The following TRPM3 variants were observed in gnomAD, a reference collection of about 807,000 sequenced individuals.
The protein encoded by TRPM3 is transient receptor potential cation channel subfamily M member 3, also known as long transient receptor potential channel 3.
Under a neutral mutation model 181.2 loss-of-function variants are expected in TRPM3, and 77 were observed. The ratio of observed to expected loss-of-function variants is 0.42; its 90% CI spans 0.35 to 0.51. TRPM3 has a LOEUF of 0.51. TRPM3 is among the 20% of genes least tolerant of loss of function. TRPM3 has a pLI of 0.01. For synonymous variants in TRPM3, 745 were observed against 796.4 expected (o/e 0.94, Z 1.09); for missense variants, 1,759 against 2,196.7 (o/e 0.80, Z 3.98).
chr9:71,008,966 A>T (rs1029248467), intron 1 of TRPM3, among the ~76,000 whole-genome samples: 3 of 152,226 alleles, frequency 2.0e-5, no homozygotes, highest in South Asian at 4.1e-4. Context: ...AGAATTAATT[A>T]AAAAATGATT....
At chr9:71,420,276 A>G (rs985402422) in intron 1 of TRPM3, among the ~76,000 whole-genome samples, 1 of 151,954 alleles carries the variant, frequency 6.6e-6, no homozygotes, top group South Asian at 2.1e-4. Flanking sequence ...TGGGGATGCT[A>G]CATGGATTTT....
At position 71,279,034 on chromosome 9, in the gene TRPM3, T is replaced by TAAAAAAA. The variant is rs200421016; in HGVS notation, c.183+167618_183+167619insTTTTTTT. Reference sequence around the variant, plus strand: ...CCTCACCAAACTTATCCTGCTTAGGTTAAAAAAAATAAAAATAAAAATAAA... The same window carrying TAAAAAAA: ...CCTCACCAAACTTATCCTGCTTAGGTAAAAAAATAAAAAAAATAAAAATAAAAATAAA... On this transcript the variant is annotated intron_variant, in intron 1 of 24. Transcript: ENST00000357533. Among the ~76,000 whole-genome samples, 20 of 47,486 alleles carry TAAAAAAA rather than the reference T, an allele frequency of 4.2e-4. 1 individual carries two copies. Among genetic ancestry groups the TAAAAAAA allele is most frequent in the Non-Finnish European group, 7.6e-4 (17 of 22,472 alleles). The allele number at this position is 47,486 out of a possible 152,430, so 31.2% of individuals were successfully genotyped here. A position where few individuals can be genotyped will look rare whatever the true frequency, so the allele number is the denominator to read the frequency against.
chr9:70,752,876 G>T (rs1387922500), intron 8 of TRPM3, among the ~76,000 whole-genome samples: 2 of 152,118 alleles, frequency 1.3e-5, no homozygotes, highest in African/African-American at 4.8e-5. Flanking sequence ...TTGGCAGGCC[G>T]AGGTGGGCAG....
chr9:71,130,670 C>A (rs907446277), intron 1 of TRPM3, among the ~76,000 whole-genome samples: 2 of 152,144 alleles, frequency 1.3e-5, no homozygotes, highest in African/African-American at 4.8e-5. Context: ...TGCTTTTATT[C>A]AGCATCCAGC....
intron 1 of TRPM3, among the ~76,000 whole-genome samples, chr9:70,959,715 C>T (rs546575571): frequency 3.9e-5 from 6 of 152,284 alleles, no homozygotes; most frequent in Admixed American, 3.9e-4. Flanking sequence ...CAAACCACCA[C>T]AAAAATAACT....
chr9:71,430,562 C>T lies in TRPM3; in HGVS notation c.183+16091G>A, dbSNP rs147980747. On this transcript the variant is annotated intron_variant, in intron 1 of 24. Coordinates refer to the TRPM3 transcript ENST00000357533. ...GGTACAGTGGCTCACACCTGTAATC[C>T]CAGCACTTTGGGAGGCTGAGGCGGG... 2.0e-5 allele frequency among the ~76,000 whole-genome samples: 3 copies of T among 152,132 alleles called. No homozygotes were observed. The East Asian group carries it at 5.8e-4, about 29-fold the overall frequency.
chr9:70,785,588 C>T (rs2083432044), intron 6 of TRPM3, among the ~76,000 whole-genome samples: 1 of 152,174 alleles, frequency 6.6e-6, no homozygotes, highest in South Asian at 2.1e-4. Flanking sequence ...TCTGAGTTCT[C>T]CCTTTTACTT....
rs542961580 is a variant in TRPM3 at position 71,069,923 on chromosome 9, A to T, written c.177+51255T>A. Among the ~76,000 whole-genome samples the T allele has an allele frequency of 1.4e-4, 20 of 144,872 alleles. 1 individual carries two copies. The East Asian group carries it at 3.8e-3, about 27-fold the overall frequency. ...GTGCCCAGCGAAAATTAATTTTTTT[A>T]AAAAAGGTACTTTAGTGACTTCCCT... On this transcript the variant is annotated intron_variant, in intron 1 of 25. Coordinates refer to ENST00000677713, the MANE Select transcript of TRPM3 (RefSeq NM_001366145.2).
intron 9 of TRPM3, among the ~76,000 whole-genome samples, chr9:70,651,127 A>G (rs2059551119): frequency 6.6e-6 from 1 of 152,192 alleles, no homozygotes. Context: ...TTCGGGTTAT[A>G]TAGTTCTGTA....
intron 1 of TRPM3, among the ~76,000 whole-genome samples, chr9:70,873,421 GTCTGGC>G (rs2095822542): frequency 6.6e-6 from 1 of 151,956 alleles, no homozygotes; most frequent in South Asian, 2.1e-4. Flanking sequence ...AGCATCTAAA[GTCTGGC>G]TCTGGCTCTG....
At chr9:70,568,625 C>T (rs932008094) in intron 22 of TRPM3, among the ~76,000 whole-genome samples, 3 of 152,296 alleles carry the variant, frequency 2.0e-5, no homozygotes, top group East Asian at 1.9e-4. Context: ...GGCCATTTTA[C>T]AGATGAGTAA....
At chr9:71,275,126 T>C (rs370752441) in intron 1 of TRPM3, among the ~76,000 whole-genome samples, 74 of 152,330 alleles carry the variant, frequency 4.9e-4, no homozygotes, top group African/African-American at 1.6e-3. Flanking sequence ...TTATTTACTA[T>C]GATATAATTG....
rs1398031517 is a variant in TRPM3, at chr9:71,351,870, G to GTTT, written c.183+94780_183+94782dup. ...ATGGGAAGTTTTTGTTTGTTTGTTTGTTTTTGTTTTTTTTTTTTTTTTTGA... is the reference window on the plus strand; with the variant it reads ...ATGGGAAGTTTTTGTTTGTTTGTTTGTTTTTTTTGTTTTTTTTTTTTTTTTTGA... On this transcript the variant is annotated intron_variant, in intron 1 of 24. Transcript: ENST00000357533. Among the ~76,000 whole-genome samples the GTTT allele has an allele frequency of 1.6e-3, 151 of 95,632 alleles. 16 individuals carry two copies. The highest frequency in any genetic ancestry group is 2.2e-3 in the Non-Finnish European group (101 of 46,738). The allele number at this position is 95,632 out of a possible 152,430, so 62.7% of individuals were successfully genotyped here. A position where few individuals can be genotyped will look rare whatever the true frequency, so the allele number is the denominator to read the frequency against.
chr9:71,192,056 C>T (rs11142719), intron 1 of TRPM3, among the ~76,000 whole-genome samples: 1 of 151,764 alleles, frequency 6.6e-6, no homozygotes, highest in Non-Finnish European at 1.5e-5. Flanking sequence ...ATACAGTAAC[C>T]TTTACGTCTG....
chr9:71,351,872 TTTTG>T lies in TRPM3; in HGVS notation c.183+94777_183+94780del, dbSNP rs772641040. ...GGGAAGTTTTTGTTTGTTTGTTTGT[TTTTG>T]TTTTTTTTTTTTTTTTTGAGACTGA... On this transcript the variant is annotated intron_variant, in intron 1 of 24. Transcript: ENST00000357533. Among the ~76,000 whole-genome samples, 67 of 91,118 alleles carry T rather than the reference TTTTG, an allele frequency of 7.4e-4. 1 individual carries two copies. Among genetic ancestry groups the T allele is most frequent in the Admixed American group, 1.8e-3 (17 of 9,344 alleles). The allele number at this position is 91,118 out of a possible 152,430, so 59.8% of individuals were successfully genotyped here.
chr9:70,993,422 C>G (rs1474989148), intron 1 of TRPM3, among the ~76,000 whole-genome samples: 5 of 151,830 alleles, frequency 3.3e-5, no homozygotes, highest in Non-Finnish European at 5.9e-5. Flanking sequence ...GGGGTAGCAA[C>G]AAAAAGAGGA....
At chr9:70,617,171 G>A (rs549748149) in intron 17 of TRPM3, among the ~76,000 whole-genome samples, 4 of 152,290 alleles carry the variant, frequency 2.6e-5, no homozygotes, top group Admixed American at 2.0e-4. Context: ...GCCGGCCTAC[G>A]AAGGCTCAGG....
chr9:70,994,576 T>C (rs1421154), intron 1 of TRPM3, among the ~76,000 whole-genome samples: 39,829 of 151,998 alleles, frequency 0.26, 5,441 homozygotes, highest in East Asian at 0.33. Context: ...TTCTGCTCCA[T>C]GGCAGGGAAG....
intron 1 of TRPM3, among the ~76,000 whole-genome samples, chr9:71,420,835 AAG>A (rs796125170): frequency 0.17 from 12 of 70 alleles, no homozygotes; most frequent in African/African-American, 0.26. Flanking sequence ...GAGGGAAAGA[AAG>A]AGAGAGGAAG....
Sources: allele counts gnomAD v4.1 joint callset (sites outside exome capture counted in the v4.1 genomes callset), GRCh38; gene constraint gnomAD v4.1.1; transcripts MANE v1.5; gene names NCBI Gene and HGNC (gene_info 2026-07-23, HGNC 2026-07-21).